The following FBRSL1 variants were observed in gnomAD, a reference collection of about 807,000 sequenced individuals.
The protein encoded by FBRSL1 is fibrosin like 1.
FBRSL1 carries 51 observed loss-of-function variants against 89.6 expected under a neutral mutation model. The ratio of observed to expected loss-of-function variants is 0.57; its 90% CI spans 0.45 to 0.72. The LOEUF is 0.72. Ranked by LOEUF, FBRSL1 falls within the 30% of genes least tolerant of loss-of-function variation. The probability of loss-of-function intolerance (pLI) is 0.00; values close to 1 mark genes in which losing one functional copy is unlikely to be tolerated. For missense variants in FBRSL1, 1,618 were observed against 1,451.8 expected (o/e 1.11, Z -1.86); for synonymous variants, 779 against 681.1 (o/e 1.14, Z -2.24).
chr12:132,498,776 G>C (rs2032482403), intron 1 of FBRSL1, among the ~76,000 whole-genome samples: 1 of 152,180 alleles, frequency 6.6e-6, no homozygotes, highest in African/African-American at 2.4e-5. Context: ...GGAGGTCAGA[G>C]GCTGAAGAGC....
At chr12:132,535,712 G>T (rs1179498503) in intron 4 of FBRSL1, among the ~76,000 whole-genome samples, 1 of 152,280 alleles carries the variant, frequency 6.6e-6, no homozygotes, top group East Asian at 1.9e-4. Flanking sequence ...ACCCAGAGGG[G>T]AGGCTCGCAG....
intron 6 of FBRSL1, among the ~76,000 whole-genome samples, chr12:132,568,100 T>C (rs1046454917): frequency 2.7e-5 from 4 of 148,308 alleles, no homozygotes; most frequent in South Asian, 4.2e-4. Context: ...TGGGGCGGGG[T>C]GTCCACGGGC....
intron 17 of FBRSL1, 55 bp downstream of exon 17, chr12:132,581,879 C>T (rs377388207): frequency 2.7e-6 from 4 of 1,454,860 alleles, no homozygotes; most frequent in Non-Finnish European, 3.7e-6. Context: ...CTCCCCCATG[C>T]CTGTGTCCTC....
chr12:132,581,337 A>G, intron 15 of FBRSL1, 102 bp from the exon 16 acceptor site: 1 of 1,543,530 alleles, frequency 6.5e-7, no homozygotes, highest in South Asian at 1.2e-5. Context: ...TGGGAGGTGA[A>G]GGTTCACAGA....
intron 16 of FBRSL1, 71 bp from the exon 17 acceptor site, chr12:132,581,670 C>T: frequency 6.6e-7 from 1 of 1,507,396 alleles, no homozygotes; most frequent in Non-Finnish European, 9.0e-7. Flanking sequence ...TCTACAGCAG[C>T]CCCCACTGGG....
chr12:132,569,156 G>T (rs997345375), intron 6 of FBRSL1, among the ~76,000 whole-genome samples: 2 of 152,006 alleles, frequency 1.3e-5, no homozygotes, highest in Non-Finnish European at 2.9e-5. Context: ...TGACTCCTGG[G>T]GACTTGATCT....
intron 2 of FBRSL1, chr12:132,510,121 C>A (rs2034164089): frequency 8.2e-7 from 1 of 1,224,886 alleles, no homozygotes; most frequent in Non-Finnish European, 1.0e-6. Flanking sequence ...CAGCCCTGCC[C>A]ACCCAAGCGG....
intron 15 of FBRSL1, among the ~76,000 whole-genome samples, chr12:132,578,036 G>T (rs1467588066): frequency 1.3e-5 from 2 of 152,186 alleles, no homozygotes; most frequent in Non-Finnish European, 2.9e-5. Context: ...GAAAATCCAG[G>T]TATAACTTTT....
chr12:132,541,582 G>T lies in FBRSL1; in HGVS notation c.616-6421G>T, dbSNP rs1008304656. ...CTAAGCCCACATGGTGGAGGGGTGCGGATTCACAGGACTGAGGCGGCCGAA... is the reference window on the plus strand; with the variant it reads ...CTAAGCCCACATGGTGGAGGGGTGCTGATTCACAGGACTGAGGCGGCCGAA... On this transcript the variant is annotated intron_variant, in intron 4 of 18. Transcript: ENST00000680143. 3.3e-5 allele frequency among the ~76,000 whole-genome samples: 5 copies of T among 152,344 alleles called. No homozygotes were observed. In the East Asian group the frequency reaches 9.7e-4, roughly 29 times the overall value.
intron 16 of FBRSL1, 89 bp from the exon 17 acceptor site, chr12:132,581,652 C>T: frequency 4.0e-6 from 6 of 1,495,552 alleles, no homozygotes; most frequent in Non-Finnish European, 5.5e-6. Context: ...CCCACCAGGC[C>T]CAAAGCCTCT....
In FBRSL1 at chr12:132,575,161, C is replaced by G. The variant is rs531697132; in HGVS notation, c.1701+597C>G. 5.9e-5 allele frequency among the ~76,000 whole-genome samples: 9 copies of G among 152,316 alleles called. No homozygotes were observed. The East Asian group carries it at 1.7e-3, about 30-fold the overall frequency. On this transcript the variant is annotated intron_variant, in intron 14 of 18. Transcript: ENST00000680143. ...CTGTCCTGATGACGCACGTCACCTC[C>G]GCACACAACTCTGAAAAATCATTGT... is the stretch of plus-strand genomic sequence containing the variant.
intron 5 of FBRSL1, chr12:132,551,507 C>T: frequency 6.6e-6 from 3 of 456,328 alleles, no homozygotes; most frequent in South Asian, 1.5e-5. Flanking sequence ...GGCGCGGGCG[C>T]ATGTCTCAGG....
chr12:132,531,588 GTGTT>G (rs2036289220), intron 4 of FBRSL1, among the ~76,000 whole-genome samples: 1 of 152,156 alleles, frequency 6.6e-6, no homozygotes, highest in Non-Finnish European at 1.5e-5. Context: ...TGTGTGACCT[GTGTT>G]TGTGTGTTTG....
intron 4 of FBRSL1, among the ~76,000 whole-genome samples, chr12:132,544,133 G>C (rs1260080381): frequency 6.6e-6 from 1 of 152,186 alleles, no homozygotes; most frequent in African/African-American, 2.4e-5. Flanking sequence ...CCCACCCCAG[G>C]CACCCGGGTT....
At chr12:132,523,710 A>C (rs1593335258) in intron 2 of FBRSL1, among the ~76,000 whole-genome samples, 1 of 152,194 alleles carries the variant, frequency 6.6e-6, no homozygotes, top group Non-Finnish European at 1.5e-5. Flanking sequence ...TGCAGGGCTC[A>C]TGGGGCCATC....
chr12:132,527,806 G>A, intron 3 of FBRSL1, 147 bp from the exon 4 acceptor site: 3 of 767,582 alleles, frequency 3.9e-6, no homozygotes, highest in South Asian at 1.5e-5. Context: ...AGGGCTTCGG[G>A]TCTGTGGATC....
At chr12:132,535,612 T>C (rs1357192234) in intron 4 of FBRSL1, among the ~76,000 whole-genome samples, 1 of 152,150 alleles carries the variant, frequency 6.6e-6, no homozygotes, top group African/African-American at 2.4e-5. Context: ...GAGCAGGAGG[T>C]GCATGGGGAA....
chr12:132,570,088 C>T lies in FBRSL1; in HGVS notation c.854C>T (p.Pro285Leu), dbSNP rs1193547847. Residue 285 changes from proline (P) to leucine (L), a missense_variant, in exon 7 of 19, where the codon CCC (proline) becomes CTC (leucine). Physicochemically the swap from Pro to Leu is moderately conservative, Grantham distance 98. Transcript: ENST00000680143. The stretch of plus-strand genomic sequence containing the variant: ...CCCCCGCCCGGCTCCCGCGCCAATC[C>T]CTTGGTGAAGAAGGAACCCCCCGCC... ...PGPPPGSRANPLVKKEPPAPH... is the reference protein window; with the variant it reads ...PGPPPGSRANLLVKKEPPAPH... The T allele has an allele frequency of 1.1e-5, 16 of 1,487,510 alleles. No homozygotes were observed. The highest frequency in any genetic ancestry group is 1.4e-5 in the Non-Finnish European group (16 of 1,126,366). 92.1% of individuals were successfully genotyped at this position (1,487,510 alleles called of 1,614,324 possible).
At chr12:132,507,720 C>T (rs543552617) in intron 1 of FBRSL1, among the ~76,000 whole-genome samples, 58 of 152,218 alleles carry the variant, frequency 3.8e-4, no homozygotes, top group South Asian at 2.9e-3. Context: ...TGTGGGCTGT[C>T]ACCTGGGGGA....
Sources: gnomAD v4.1 joint callset for allele counts (sites outside exome capture counted in the v4.1 genomes callset) on GRCh38, gnomAD v4.1.1 for gene constraint, MANE v1.5 for transcripts, NCBI Gene and HGNC (gene_info 2026-07-23, HGNC 2026-07-21) for gene names.